Variants in MYL6B observed in about 807,000 individuals in gnomAD.
The protein encoded by MYL6B is myosin alkali light chain 1 slow a.
MYL6B carries 19 observed loss-of-function variants against 24.5 expected under a neutral mutation model. The ratio of observed to expected loss-of-function variants is 0.78; its 90% CI spans 0.54 to 1.14. The LOEUF (loss-of-function observed/expected upper bound fraction) is 1.14. Among genes scored for constraint, MYL6B ranks in the 50% most tolerant of loss-of-function variants. The probability of loss-of-function intolerance (pLI) is 0.00; values close to 1 mark genes in which losing one functional copy is unlikely to be tolerated. For missense variants in MYL6B, 230 were observed against 263.8 expected (o/e 0.87, Z 0.89); for synonymous variants, 90 against 100.7 (o/e 0.89, Z 0.64).
At chr12:56,157,774 A>G (rs775634757) in exon 7 of MYL6B, 1 of 1,601,446 alleles carries the variant, frequency 6.2e-7, no homozygotes, top group African/African-American at 1.3e-5. Flanking sequence ...CTTACGAGGC[A>G]AGTCTCCCGC....
chr12:56,157,674 C>T (rs894939555), intron 6 of MYL6B, 24 bp from the exon 7 acceptor site: 2 of 1,613,280 alleles, frequency 1.2e-6, no homozygotes, highest in Admixed American at 1.7e-5. Context: ...CTTCTGAAGC[C>T]CCTCTTGCCT....
intron 5 of MYL6B, chr12:56,157,047 CAAA>C (rs34843827): frequency 3.3e-4 from 36 of 110,422 alleles, no homozygotes; most frequent in South Asian, 1.8e-3. Flanking sequence ...GACCCTATCT[CAAA>C]AAAAAAAAAA....
intron 4 of MYL6B, 105 bp from the exon 5 acceptor site, chr12:56,155,314 A>T: frequency 6.4e-7 from 1 of 1,571,656 alleles, no homozygotes; most frequent in Middle Eastern, 1.7e-4. Context: ...AGAAGCAGGA[A>T]AATATCCTAA....
chr12:56,154,816 G>A (rs950965377), exon 3 of MYL6B: 4 of 1,612,974 alleles, frequency 2.5e-6, no homozygotes, highest in Middle Eastern at 1.7e-4. Flanking sequence ...TCCACAGATC[G>A]AGTTTAACAA....
chr12:56,157,465 C>T lies in MYL6B; in HGVS notation c.521-3C>T, dbSNP rs112598321. The T allele has an allele frequency of 1.2e-6, 2 of 1,613,622 alleles. No homozygotes were observed. The highest frequency in any genetic ancestry group is 1.7e-6 in the Non-Finnish European group (2 of 1,179,878). On this transcript the variant is annotated splice_polypyrimidine_tract_variant and splice_region_variant and intron_variant, in intron 5 of 6. Coordinates refer to ENST00000553066, the Ensembl canonical transcript of MYL6B. ...GGCCTCAGACGTTGTGTCTGGGATT[C>T]AGGAGAGAAGATGACTGAGGAGGAG... is the stretch of plus-strand genomic sequence containing the variant.
chr12:56,154,345 G>A (rs1871227033), intron 2 of MYL6B, among the ~76,000 whole-genome samples: 1 of 152,194 alleles, frequency 6.6e-6, no homozygotes, highest in Admixed American at 6.5e-5. Context: ...TGGAGGCAGG[G>A]ACTCTTAGAT....
chr12:56,154,786 C>T (rs376990017), intron 2 of MYL6B, 27 bp from the exon 3 acceptor site: 71 of 1,608,774 alleles, frequency 4.4e-5, no homozygotes, highest in South Asian at 2.0e-4. Flanking sequence ...ACTCTCATCT[C>T]TCCCCACCTG....
chr12:56,157,796 C>T, exon 7 of MYL6B: 1 of 1,567,440 alleles, frequency 6.4e-7, no homozygotes, highest in East Asian at 2.2e-5. Context: ...CTTCTCTCAG[C>T]CAACATAGAA....
chr12:56,155,249 T>C, intron 4 of MYL6B, 51 bp downstream of exon 4: 4 of 1,561,358 alleles, frequency 2.6e-6, no homozygotes, highest in Non-Finnish European at 3.5e-6. Flanking sequence ...AAAAGTTGGA[T>C]GTTGGTAACA....
rs539237045 is a variant in MYL6B, at chr12:56,157,877, C to A, written c.*151C>A. The A allele has an allele frequency of 8.6e-6, 8 of 931,106 alleles. No individual in the cohort carries two copies. In the South Asian group the frequency reaches 1.1e-4, roughly 13 times the overall value. 57.7% of individuals were successfully genotyped at this position (931,106 alleles called of 1,614,324 possible). A position where few individuals can be genotyped will look rare whatever the true frequency, so the allele number is the denominator to read the frequency against. ...GCGCTTCGCAACTTTGGTTTTTTTC[C>A]ACAGATCCAGTGGGGTCCGGACACT... On this transcript the variant is annotated 3_prime_UTR_variant, in exon 7 of 7. Coordinates refer to ENST00000553066, the Ensembl canonical transcript of MYL6B.
chr12:56,155,511 T>G (rs1871274272), exon 5 of MYL6B: 4 of 1,613,898 alleles, frequency 2.5e-6, no homozygotes, highest in Non-Finnish European at 3.4e-6. Flanking sequence ...TGAGGACTAC[T>G]TGGAGGGGTT....
At chr12:56,154,781 C>T (rs1017377748) in intron 2 of MYL6B, 32 bp from the exon 3 acceptor site, 1 of 1,606,050 alleles carries the variant, frequency 6.2e-7, no homozygotes, top group Non-Finnish European at 8.5e-7. Flanking sequence ...AATAAACTCT[C>T]ATCTCTCCCC....
At chr12:56,155,615 GAA>G (rs776144208) in intron 5 of MYL6B, 23 bp downstream of exon 5, 1 of 1,611,792 alleles carries the variant, frequency 6.2e-7, no homozygotes, top group Non-Finnish European at 8.5e-7. Flanking sequence ...AGGGGGACCA[GAA>G]CTCCTTTAGA....
Position 56,156,749 on chromosome 12 carries a change from TA to T in MYL6B, c.521-706del, listed in dbSNP as rs58480834. Among the ~76,000 whole-genome samples the T allele has an allele frequency of 9.0e-3, 1,275 of 142,168 alleles. 9 individuals carry two copies. The highest frequency in any genetic ancestry group is 0.025 in the African/African-American group (964 of 39,154). 93.3% of individuals were successfully genotyped at this position (142,168 alleles called of 152,430 possible). A position where few individuals can be genotyped will look rare whatever the true frequency, so the allele number is the denominator to read the frequency against. On this transcript the variant is annotated intron_variant, in intron 5 of 6. Coordinates refer to ENST00000553066, the Ensembl canonical transcript of MYL6B. ...AACGTAGTGAGATTCTATCTCTATT[TA>T]AAAAAAAAAAAAGTACAAGGCTGGG...
exon 5 of MYL6B, chr12:56,155,523 C>G: frequency 6.2e-7 from 1 of 1,613,774 alleles, no homozygotes; most frequent in Non-Finnish European, 8.5e-7. Context: ...GGAGGGGTTT[C>G]GTGTGTTTGA....
At position 56,155,701 on chromosome 12, in the gene MYL6B, A is replaced by G. The variant is rs1250085280; in HGVS notation, c.520+109A>G. 7.6e-6 allele frequency: 12 copies of G among 1,574,222 alleles called. 2 individuals carry two copies. The Middle Eastern group carries it at 6.6e-4, about 87-fold the overall frequency. On this transcript the variant is annotated intron_variant, in intron 5 of 6. Coordinates refer to ENST00000553066, the Ensembl canonical transcript of MYL6B. ...GCTAGCAGGAGGCTTACTGTCCTGC[A>G]GGTTGTCGGCAGGAGACTGAGAAGG...
At chr12:56,157,389 C>CAAA in intron 5 of MYL6B, 79 bp from the exon 6 acceptor site, 5 of 1,083,128 alleles carry the variant, frequency 4.6e-6, no homozygotes, top group South Asian at 1.6e-5. Context: ...AACTCCGTCT[C>CAAA]AAAAAAAAAA....
At chr12:56,157,433 A>AAAGGAGGGC (rs766291199) in intron 5 of MYL6B, 35 bp from the exon 6 acceptor site, 1 of 1,597,230 alleles carries the variant, frequency 6.3e-7, no homozygotes, top group South Asian at 1.1e-5. Flanking sequence ...TGAAGGAGGG[A>AAAGGAGGGC]AAGGAGGGCC....
intron 5 of MYL6B, among the ~76,000 whole-genome samples, chr12:56,156,502 G>A (rs1400875836): frequency 1.3e-5 from 2 of 151,840 alleles, no homozygotes; most frequent in Non-Finnish European, 2.9e-5. Flanking sequence ...CTACTTGGTA[G>A]GCTAAGGCAG....
Sources: gnomAD v4.1 joint callset for allele counts (sites outside exome capture counted in the v4.1 genomes callset) on GRCh38, gnomAD v4.1.1 for gene constraint, MANE v1.5 for transcripts, NCBI Gene and HGNC (gene_info 2026-07-23, HGNC 2026-07-21) for gene names.